The following TMEM184B variants were observed in gnomAD, a reference collection of about 807,000 sequenced individuals.
TMEM184B encodes transmembrane protein 184B.
Under a neutral mutation model 41.8 loss-of-function variants are expected in TMEM184B, and 17 were observed. The ratio of observed to expected loss-of-function variants is 0.41; its 90% confidence interval spans 0.28 to 0.61. TMEM184B has a LOEUF of 0.61. Among genes scored for constraint, TMEM184B ranks in the 20% least tolerant of loss-of-function variants. TMEM184B has a pLI of 0.34. For missense variants in TMEM184B, 393 were observed against 557.8 expected (o/e 0.70, Z 2.98); for synonymous variants, 240 against 229.5 (o/e 1.05, Z -0.41).
At chr22:38,261,923 T>C (rs370535794) in intron 1 of TMEM184B, among the ~76,000 whole-genome samples, 86 of 152,360 alleles carry the variant, frequency 5.6e-4, no homozygotes, top group African/African-American at 2.0e-3. Flanking sequence ...CTGAGTCAGG[T>C]AAGCCATCAA....
rs559236985 is a variant in TMEM184B, at chr22:38,225,421, C to T, written c.787+3G>A. ...AGCCTCCAGGTGCTGGGAGGGGGCTCACCTTGCCAGAAGGAAAGAAAGATG... is the reference window on the plus strand; with the variant it reads ...AGCCTCCAGGTGCTGGGAGGGGGCTTACCTTGCCAGAAGGAAAGAAAGATG... On this transcript the variant is annotated splice_donor_region_variant and intron_variant, in intron 7 of 8. Coordinates refer to ENST00000361906, the MANE Select transcript of TMEM184B (RefSeq NM_012264.5). The surrounding 1 kb of genome is among the most constrained non-coding windows in gnomAD (Gnocchi z 4.4). 1.3e-6 allele frequency: 2 copies of T among 1,557,528 alleles called. No homozygotes were observed. Among genetic ancestry groups the T allele is most frequent in the African/African-American group, 1.4e-5 (1 of 72,028 alleles).
chr22:38,263,918 C>T (rs1448847358), intron 1 of TMEM184B, among the ~76,000 whole-genome samples: 3 of 152,224 alleles, frequency 2.0e-5, no homozygotes, highest in African/African-American at 4.8e-5. Context: ...GATTCTTCTG[C>T]CTCAGCCTCC....
chr22:38,218,510 A>ATGGCTGGGTATGGGGC (rs60070667), downstream of TMEM184B, among the ~76,000 whole-genome samples: 1 of 145,614 alleles, frequency 6.9e-6, no homozygotes, highest in Non-Finnish European at 1.5e-5. Context: ...GGCCAACTCT[A>ATGGCTGGGTATGGGGC]TGGCTGGGTA....
At chr22:38,218,778 C>A (rs1348990109), downstream of TMEM184B, among the ~76,000 whole-genome samples, 2 of 152,182 alleles carry the variant, frequency 1.3e-5, no homozygotes, top group African/African-American at 4.8e-5. Flanking sequence ...TGGGAATTCC[C>A]CCACCCACAC....
At chr22:38,247,311 G>A (rs41280827) in intron 2 of TMEM184B, among the ~76,000 whole-genome samples, 19,123 of 152,252 alleles carry the variant, frequency 0.13, 1,312 homozygotes, top group South Asian at 0.21. Context: ...ACAGAGTGAC[G>A]AGTGTCACCT....
chr22:38,225,491 G>C lies in TMEM184B; in HGVS notation c.720C>G (p.Leu240=). ...FLFYFATREL[L]SPYSPVLKFF... ...ACTTGAGGACGGGGCTGTAGGGGCT[G>C]AGCAGCTCCCGGGTGGCGAAGTAGA... is the stretch of plus-strand genomic sequence containing the variant. Residue 240 remains leucine, a synonymous_variant, in exon 7 of 9, where the codon CTC becomes CTG. Transcript: ENST00000361906. This position sits in a 1 kb window ranked among gnomAD's most constrained non-coding sequence, Gnocchi z 4.4. 1.3e-6 allele frequency: 2 copies of C among 1,596,728 alleles called. No individual in the cohort carries two copies. Among genetic ancestry groups the C allele is most frequent in the Non-Finnish European group, 1.7e-6 (2 of 1,174,156 alleles).
At chr22:38,240,781 AG>A (rs142053148) in intron 3 of TMEM184B, among the ~76,000 whole-genome samples, 2,727 of 150,830 alleles carry the variant, frequency 0.018, 63 homozygotes, top group African/African-American at 0.049. Flanking sequence ...ACACACATAC[AG>A]GCACTAGGGA....
Position 38,230,709 on chromosome 22 carries a change from C to T in TMEM184B, c.485G>A (p.Gly162Glu), listed in dbSNP as rs1248762110. 1 of 1,612,316 alleles carries T rather than the reference C, an allele frequency of 6.2e-7. No individual in the cohort carries two copies. Residue 162 changes from glycine to glutamate, a missense_variant, in exon 5 of 9, where the codon GGA (glycine) becomes GAA (glutamate). This residue lies in a region of TMEM184B where 271 missense variants were observed against 434.1 expected (regional missense o/e 0.62). Coordinates refer to ENST00000361906, the MANE Select transcript of TMEM184B (RefSeq NM_012264.5). ...SCMYGTCCLWGKTYSIGFLRF... is the reference protein window; with the variant it reads ...SCMYGTCCLWEKTYSIGFLRF... ...CAGAAATCCGATGGAATAAGTCTTT[C>T]CCCAGAGGCAGCAGGTGCCATACAT...
At chr22:38,255,582 A>G (rs998029626) in intron 1 of TMEM184B, among the ~76,000 whole-genome samples, 4 of 152,252 alleles carry the variant, frequency 2.6e-5, no homozygotes, top group Non-Finnish European at 5.9e-5. Context: ...CCTGTACACA[A>G]ATGTTCACGG....
intron 1 of TMEM184B, among the ~76,000 whole-genome samples, chr22:38,253,370 G>C (rs1400123596): frequency 4.6e-5 from 7 of 152,244 alleles, no homozygotes; most frequent in Admixed American, 2.0e-4. Context: ...AGGAGTTCGA[G>C]ACCAGCCAGG....
At chr22:38,231,845 T>G in intron 3 of TMEM184B, 1 of 237,966 alleles carries the variant, frequency 4.2e-6, no homozygotes, top group East Asian at 1.0e-4. Flanking sequence ...CTGGCAGCAG[T>G]ACGGTGACCT....
rs557607226 is a variant in TMEM184B, at chr22:38,267,711, G to A, written c.-59+5173C>T. Among the ~76,000 whole-genome samples the A allele has an allele frequency of 6.6e-5, 10 of 152,224 alleles. No individual in the cohort carries two copies. The South Asian group carries it at 2.1e-3, about 32-fold the overall frequency. On this transcript the variant is annotated intron_variant, in intron 1 of 8. Transcript: ENST00000361906. Reference sequence around the variant, plus strand: ...GCCTCCCAAAGTACTGGGATTACAGGTGTGAGCCACCGCACCTAGCCATAT... The same window carrying A: ...GCCTCCCAAAGTACTGGGATTACAGATGTGAGCCACCGCACCTAGCCATAT...
chr22:38,269,782 G>A (rs925986110), intron 1 of TMEM184B, among the ~76,000 whole-genome samples: 6 of 152,128 alleles, frequency 3.9e-5, no homozygotes, highest in African/African-American at 1.2e-4. Flanking sequence ...TACAACAGTG[G>A]GCTCCAGAAC....
intron 3 of TMEM184B, among the ~76,000 whole-genome samples, chr22:38,234,021 G>A (rs924462689): frequency 2.5e-5 from 3 of 118,250 alleles, no homozygotes; most frequent in Admixed American, 8.7e-5. Context: ...CGCCCACCTC[G>A]GCCTCCCAAA....
At chr22:38,228,734 G>C (rs1178514568) in intron 5 of TMEM184B, among the ~76,000 whole-genome samples, 4 of 152,170 alleles carry the variant, frequency 2.6e-5, no homozygotes. Context: ...GGTAAAGAAA[G>C]GAAGAGGCCT....
At chr22:38,246,337 T>C (rs2018805) in intron 2 of TMEM184B, among the ~76,000 whole-genome samples, 51,538 of 152,100 alleles carry the variant, frequency 0.34, 8,891 homozygotes, top group Middle Eastern at 0.39. Flanking sequence ...GCAGTGCCTG[T>C]GGGGCAGTCT....
intron 3 of TMEM184B, among the ~76,000 whole-genome samples, chr22:38,233,799 T>A (rs2091699231): frequency 6.6e-6 from 1 of 152,188 alleles, no homozygotes; most frequent in African/African-American, 2.4e-5. Flanking sequence ...AGACAGAGTC[T>A]CGCTCTATCC....
At chr22:38,240,155 CAAG>C (rs2091871772) in intron 3 of TMEM184B, among the ~76,000 whole-genome samples, 1 of 152,060 alleles carries the variant, frequency 6.6e-6, no homozygotes, top group Admixed American at 6.5e-5. Context: ...GCGCTTCTAA[CAAG>C]AAGGTCAAAG....
At chr22:38,238,350 T>A (rs2091831122) in intron 3 of TMEM184B, among the ~76,000 whole-genome samples, 1 of 151,310 alleles carries the variant, frequency 6.6e-6, no homozygotes, top group African/African-American at 2.4e-5. Context: ...CTCAGCCTCC[T>A]GAGTAGCTGG....
Sources: allele counts gnomAD v4.1 joint callset (sites outside exome capture counted in the v4.1 genomes callset), GRCh38; gene constraint gnomAD v4.1.1; regional missense constraint gnomAD v4.1.1; non-coding constraint Gnocchi (gnomAD v3.1); transcripts MANE v1.5; gene names NCBI Gene and HGNC (gene_info 2026-07-23, HGNC 2026-07-21).